Variants in SAE1 observed in about 807,000 individuals in gnomAD.
SAE1 encodes SUMO-activating enzyme subunit 1.
SAE1 carries 11 observed loss-of-function variants against 40.6 expected under a neutral mutation model. The ratio of observed to expected loss-of-function variants is 0.27; its 90% CI spans 0.17 to 0.45. SAE1 has a LOEUF of 0.45. Ranked by LOEUF, SAE1 falls within the 20% of genes least tolerant of loss-of-function variation. SAE1 has a pLI of 1.00. For missense variants in SAE1, 373 were observed against 427.3 expected (o/e 0.87, Z 1.12); for synonymous variants, 155 against 154.3 (o/e 1.00, Z -0.03).
At chr19:47,180,971 G>A (rs2058502134) in intron 6 of SAE1, among the ~76,000 whole-genome samples, 1 of 152,172 alleles carries the variant, frequency 6.6e-6, no homozygotes. Flanking sequence ...TTGGATCTGA[G>A]AATAGAGGAA....
Position 47,210,204 on chromosome 19 carries a change from T to A in SAE1, c.*953T>A, listed in dbSNP as rs895784763. 6.6e-6 allele frequency: 1 copy of A among 152,228 alleles called. No homozygotes were observed. Among genetic ancestry groups the A allele is most frequent in the Non-Finnish European group, 1.5e-5 (1 of 68,044 alleles). The allele number at this position is 152,228 out of a possible 1,614,324, so 9.4% of individuals were successfully genotyped here. A position where few individuals can be genotyped will look rare whatever the true frequency, so the allele number is the denominator to read the frequency against. On this transcript the variant is annotated 3_prime_UTR_variant, in exon 9 of 9. Coordinates refer to ENST00000270225, the MANE Select transcript of SAE1 (RefSeq NM_005500.3). ...ACTTGCTTTAGGATTTGCTTGTTTT[T>A]CTTCCACTTCAGAAGCTTCTGAGAG...
At position 47,171,628 on chromosome 19, in the gene SAE1, TTTTTAGTA is replaced by T. The variant is rs370417015; in HGVS notation, c.733+1710_733+1717del. Among the ~76,000 whole-genome samples the T allele has an allele frequency of 7.1e-3, 1,084 of 152,248 alleles. 10 individuals are homozygous for T. The highest frequency in any genetic ancestry group is 0.025 in the African/African-American group (1,047 of 41,538). On this transcript the variant is annotated intron_variant, in intron 6 of 8. Coordinates refer to ENST00000270225, the MANE Select transcript of SAE1 (RefSeq NM_005500.3). The stretch of plus-strand genomic sequence containing the variant: ...CACCACGCTTGGCTAATTTTTTGTA[TTTTTAGTA>T]TTTTTGTATTTTTTTTGTATTTTCA...
intron 5 of SAE1, among the ~76,000 whole-genome samples, chr19:47,160,214 A>ATTTTTTTTTTTT (rs748289334): frequency 2.7e-5 from 2 of 74,588 alleles, no homozygotes; most frequent in African/African-American, 5.5e-5. Flanking sequence ...AAAATCCTGC[A>ATTTTTTTTTTTT]TTTTTTTTTT....
intron 5 of SAE1, among the ~76,000 whole-genome samples, chr19:47,159,259 T>A (rs757023483): frequency 6.6e-6 from 1 of 152,222 alleles, no homozygotes; most frequent in African/African-American, 2.4e-5. Flanking sequence ...ACTCCCTCTT[T>A]CTGAGCAATT....
chr19:47,200,764 C>G (rs539952725), intron 7 of SAE1, among the ~76,000 whole-genome samples: 1 of 152,292 alleles, frequency 6.6e-6, no homozygotes, highest in African/African-American at 2.4e-5. Flanking sequence ...TATATATTAT[C>G]TGTGGCAGCT....
At chr19:47,162,844 T>C (rs978759461) in intron 5 of SAE1, among the ~76,000 whole-genome samples, 3 of 151,918 alleles carry the variant, frequency 2.0e-5, no homozygotes, top group Non-Finnish European at 4.4e-5. Flanking sequence ...ATACAAAAAT[T>C]AGCTGGGCGT....
intron 6 of SAE1, among the ~76,000 whole-genome samples, chr19:47,194,826 G>A (rs1010313917): frequency 2.7e-5 from 4 of 145,538 alleles, no homozygotes; most frequent in African/African-American, 7.7e-5. Context: ...TCAGCTCACT[G>A]CAACCTCCCA....
intron 6 of SAE1, among the ~76,000 whole-genome samples, chr19:47,178,580 T>C (rs1355452490): frequency 6.6e-6 from 1 of 152,140 alleles, no homozygotes; most frequent in Non-Finnish European, 1.5e-5. Flanking sequence ...TTCGTGCAAT[T>C]CTCCTGCCTC....
chr19:47,149,269 G>T (rs2058272914), intron 2 of SAE1, among the ~76,000 whole-genome samples: 1 of 144,130 alleles, frequency 6.9e-6, no homozygotes, highest in South Asian at 2.2e-4. Flanking sequence ...CTCCCCTGTT[G>T]AAGTGATTCT....
chr19:47,131,857 C>T (rs1027302237), intron 1 of SAE1, among the ~76,000 whole-genome samples: 4 of 151,590 alleles, frequency 2.6e-5, no homozygotes, highest in East Asian at 1.9e-4. Flanking sequence ...CCCGCCAGCA[C>T]GCCCGGCTAA....
intron 5 of SAE1, among the ~76,000 whole-genome samples, chr19:47,159,266 A>G (rs2058342848): frequency 6.6e-6 from 1 of 152,208 alleles, no homozygotes; most frequent in African/African-American, 2.4e-5. Flanking sequence ...CTTTCTGAGC[A>G]ATTTGTTGAC....
At chr19:47,172,767 CAA>C (rs992963906) in intron 6 of SAE1, among the ~76,000 whole-genome samples, 7 of 133,216 alleles carry the variant, frequency 5.3e-5, no homozygotes, top group African/African-American at 2.8e-5. Flanking sequence ...GTGTACACGC[CAA>C]AAAAAAAAAA....
chr19:47,207,938 G>T (rs1484176047), intron 8 of SAE1, among the ~76,000 whole-genome samples: 3 of 152,028 alleles, frequency 2.0e-5, no homozygotes, highest in Non-Finnish European at 4.4e-5. Flanking sequence ...GCCCAGCCCT[G>T]TTCTTGTATT....
intron 8 of SAE1, among the ~76,000 whole-genome samples, chr19:47,203,979 G>C (rs534082549): frequency 6.6e-6 from 1 of 152,038 alleles, no homozygotes; most frequent in East Asian, 1.9e-4. Flanking sequence ...TGCCTCGAAG[G>C]TGTGATCTGC....
intron 5 of SAE1, among the ~76,000 whole-genome samples, chr19:47,168,809 G>T (rs548121236): frequency 9.9e-5 from 15 of 152,208 alleles, no homozygotes; most frequent in African/African-American, 3.6e-4. Context: ...TCACTATGTT[G>T]GTCAGGCTGG....
chr19:47,143,187 C>G (rs1046651470), intron 1 of SAE1, among the ~76,000 whole-genome samples: 9 of 151,982 alleles, frequency 5.9e-5, no homozygotes, highest in Admixed American at 5.9e-4. Context: ...CTCACTGCAA[C>G]CTCCGCCTCA....
In SAE1 at chr19:47,130,957, C is replaced by T. The variant is rs374154722; in HGVS notation, c.27C>T (p.Gly9=). Residue 9 remains glycine, a synonymous_variant, in exon 1 of 9, where the codon GGC becomes GGT. Coordinates refer to ENST00000270225, the MANE Select transcript of SAE1 (RefSeq NM_005500.3). ...TGGTGGAGAAGGAGGAGGCTGGCGGCGGCATTAGCGAGGAGGAGGCGGCAC... is the reference window on the plus strand; with the variant it reads ...TGGTGGAGAAGGAGGAGGCTGGCGGTGGCATTAGCGAGGAGGAGGCGGCAC... The part of the protein sequence containing the change: MVEKEEAG[G]GISEEEAAQY... 41 of 1,549,490 alleles carry T rather than the reference C, an allele frequency of 2.6e-5. No individual in the cohort carries two copies. The highest frequency in any genetic ancestry group is 3.2e-5 in the Non-Finnish European group (37 of 1,146,396).
At chr19:47,135,035 A>AT (rs1341563714) in intron 1 of SAE1, among the ~76,000 whole-genome samples, 1 of 152,088 alleles carries the variant, frequency 6.6e-6, no homozygotes, top group African/African-American at 2.4e-5. Context: ...GAAATTAAAA[A>AT]TTTTTTTGTG....
At chr19:47,145,879 A>G (rs1416738972) in intron 2 of SAE1, among the ~76,000 whole-genome samples, 1 of 151,710 alleles carries the variant, frequency 6.6e-6, no homozygotes, top group Non-Finnish European at 1.5e-5. Context: ...GGGTGCCCTG[A>G]AGTCTGCTAG....
Sources: allele counts gnomAD v4.1 joint callset (sites outside exome capture counted in the v4.1 genomes callset), GRCh38; gene constraint gnomAD v4.1.1; transcripts MANE v1.5; gene names NCBI Gene and HGNC (gene_info 2026-07-23, HGNC 2026-07-21).